ENTREP2: variants seen among roughly 807,000 people sequenced by gnomAD.
The protein encoded by ENTREP2 is endosomal transmembrane epsin interactor 2.
the ENTREP2 span, among the ~76,000 whole-genome samples, chr15:29,412,726 C>T: frequency 1.3e-5 from 2 of 151,810 alleles, no homozygotes; most frequent in African/African-American, 4.8e-5. Flanking sequence ...ACATTCTTAC[C>T]ATATTTGTCT....
the ENTREP2 span, among the ~76,000 whole-genome samples, chr15:29,439,471 C>A: frequency 6.6e-6 from 1 of 152,052 alleles, no homozygotes; most frequent in Non-Finnish European, 1.5e-5. Flanking sequence ...ATATTAATGT[C>A]ACAATGACTA....
the ENTREP2 span, among the ~76,000 whole-genome samples, chr15:29,491,399 C>T: frequency 2.6e-5 from 4 of 152,294 alleles, no homozygotes; most frequent in Admixed American, 6.5e-5. Flanking sequence ...AGAGAGTGAG[C>T]GAGCGAGCAC....
the ENTREP2 span, among the ~76,000 whole-genome samples, chr15:29,664,879 C>A: frequency 3.3e-5 from 5 of 152,248 alleles, no homozygotes; most frequent in African/African-American, 1.2e-4. Context: ...AGATGTTACA[C>A]TGTCTGGGAT....
chr15:29,502,303 A>G, the ENTREP2 span, among the ~76,000 whole-genome samples: 1 of 151,966 alleles, frequency 6.6e-6, no homozygotes, highest in African/African-American at 2.4e-5. Context: ...TCTATGGCCA[A>G]GTAACTTTCA....
chr15:29,289,603 T>C, the ENTREP2 span, among the ~76,000 whole-genome samples: 1 of 152,062 alleles, frequency 6.6e-6, no homozygotes, highest in East Asian at 1.9e-4. Flanking sequence ...CCCAGCACTT[T>C]GGGAGGCCGA....
the ENTREP2 span, among the ~76,000 whole-genome samples, chr15:29,666,012 C>A: frequency 7.9e-5 from 12 of 151,984 alleles, no homozygotes; most frequent in Admixed American, 4.6e-4. Context: ...CACCACCACA[C>A]CCAGCTAATT....
At chr15:29,171,224 C>A in the ENTREP2 span, among the ~76,000 whole-genome samples, 1 of 152,198 alleles carries the variant, frequency 6.6e-6, no homozygotes, top group Non-Finnish European at 1.5e-5. Flanking sequence ...ACTATTCAAA[C>A]CACAGCACAG....
chr15:29,243,807 A>G, the ENTREP2 span, among the ~76,000 whole-genome samples: 1 of 152,230 alleles, frequency 6.6e-6, no homozygotes, highest in African/African-American at 2.4e-5. Flanking sequence ...GAAAGAAAAC[A>G]CGAATAACAT....
the ENTREP2 span, among the ~76,000 whole-genome samples, chr15:29,140,540 C>T: frequency 2.0e-5 from 3 of 152,304 alleles, no homozygotes; most frequent in East Asian, 1.9e-4. Flanking sequence ...CCTAACCCAG[C>T]GCCCCCAAAC....
chr15:29,311,107 C>T, the ENTREP2 span, among the ~76,000 whole-genome samples: 1 of 151,888 alleles, frequency 6.6e-6, no homozygotes, highest in African/African-American at 2.4e-5. Flanking sequence ...AACAAATGTG[C>T]TTTGTGATGA....
At chr15:29,628,936 G>A in the ENTREP2 span, among the ~76,000 whole-genome samples, 789 of 152,230 alleles carry the variant, frequency 5.2e-3, 10 homozygotes, top group African/African-American at 0.018. Context: ...TTTTAGTAGA[G>A]ACAGCATTTC....
At chr15:29,251,366 T>G in the ENTREP2 span, among the ~76,000 whole-genome samples, 4 of 152,208 alleles carry the variant, frequency 2.6e-5, no homozygotes, top group African/African-American at 9.7e-5. Flanking sequence ...CCTATTACAG[T>G]ACCATGAGCT....
At chr15:29,275,939 G>A in the ENTREP2 span, among the ~76,000 whole-genome samples, 1 of 152,168 alleles carries the variant, frequency 6.6e-6, no homozygotes, top group Non-Finnish European at 1.5e-5. Flanking sequence ...GAGTTGGGAG[G>A]CAAATACTAT....
the ENTREP2 span, among the ~76,000 whole-genome samples, chr15:29,471,397 T>C: frequency 1.3e-5 from 2 of 152,158 alleles, no homozygotes; most frequent in Non-Finnish European, 2.9e-5. Flanking sequence ...GACTGGGATG[T>C]GCTACAAATA....
At chr15:29,414,420 A>G in the ENTREP2 span, among the ~76,000 whole-genome samples, 1 of 152,216 alleles carries the variant, frequency 6.6e-6, no homozygotes, top group East Asian at 1.9e-4. Context: ...CACGAAATGA[A>G]GGCAGAAATA....
chr15:29,589,618 C>T, the ENTREP2 span, among the ~76,000 whole-genome samples: 216 of 152,316 alleles, frequency 1.4e-3, no homozygotes, highest in African/African-American at 4.7e-3. Flanking sequence ...GCTTTCCCTC[C>T]GCTACCTCTG....
the ENTREP2 span, among the ~76,000 whole-genome samples, chr15:29,414,726 G>C: frequency 6.6e-6 from 1 of 152,088 alleles, no homozygotes; most frequent in African/African-American, 2.4e-5. Flanking sequence ...TTTCTGAAAA[G>C]ATCAACAAAA....
chr15:29,522,563 G>A, the ENTREP2 span, among the ~76,000 whole-genome samples: 51 of 152,172 alleles, frequency 3.4e-4, no homozygotes, highest in African/African-American at 7.2e-4. Context: ...TCTGAATCTC[G>A]GTAAGAACAG....
the ENTREP2 span, among the ~76,000 whole-genome samples, chr15:29,617,992 A>T: frequency 1.3e-5 from 2 of 152,186 alleles, no homozygotes; most frequent in African/African-American, 4.8e-5. Context: ...TTCCTGACCA[A>T]GGTTGGGCTT....
Sources: gnomAD v4.1 joint callset for allele counts (sites outside exome capture counted in the v4.1 genomes callset) on GRCh38, gnomAD v4.1.1 for gene constraint, MANE v1.5 for transcripts, NCBI Gene and HGNC (gene_info 2026-07-23, HGNC 2026-07-21) for gene names.